ACSF3: variants seen among roughly 807,000 people sequenced by gnomAD.
The protein encoded by ACSF3 is acyl-CoA synthetase family member 3.
ACSF3 carries 78 observed loss-of-function variants against 53.2 expected under a neutral mutation model. The observed-to-expected ratio is 1.47, with a 90% CI of 1.22 to 1.77. The LOEUF (loss-of-function observed/expected upper bound fraction) is 1.77. ACSF3 is among the 40% of genes most tolerant of loss of function. The pLI is 0.00. For missense variants in ACSF3, 937 were observed against 771.1 expected (o/e 1.22, Z -2.55); for synonymous variants, 414 against 333.1 (o/e 1.24, Z -2.65).
At chr16:89,144,474 C>G (rs1912502970) in intron 8 of ACSF3, among the ~76,000 whole-genome samples, 1 of 152,254 alleles carries the variant, frequency 6.6e-6, no homozygotes, top group Non-Finnish European at 1.5e-5. Flanking sequence ...CCTGTGGCCT[C>G]TGCGTGGGCC....
intron 8 of ACSF3, among the ~76,000 whole-genome samples, chr16:89,142,774 G>GACACCCACACCTGCAGAC (rs1238268188): frequency 8.9e-5 from 10 of 112,868 alleles, no homozygotes; most frequent in South Asian, 2.8e-4. Context: ...CACCTACAGA[G>GACACCCACACCTGCAGAC]ACACCCACAC....
Position 89,102,717 on chromosome 16 carries a change from G to A in ACSF3, c.780G>A (p.Val260=), listed in dbSNP as rs780017088. 4 of 1,613,284 alleles carry A rather than the reference G, an allele frequency of 2.5e-6. No homozygotes were observed. The Admixed American group carries it at 6.7e-5, about 27-fold the overall frequency. ...VVNALLCPLW[V]GATCVMMPEF... is the part of the protein sequence containing the mutation. ...ACGCGCTGCTCTGTCCTCTCTGGGTGGGAGCCACCTGTGTGATGATGCCTG... is the reference window on the plus strand; with the variant it reads ...ACGCGCTGCTCTGTCCTCTCTGGGTAGGAGCCACCTGTGTGATGATGCCTG... Residue 260 remains valine, a synonymous_variant, in exon 4 of 11, where the codon GTG becomes GTA. Transcript: ENST00000614302.
intron 6 of ACSF3, among the ~76,000 whole-genome samples, chr16:89,119,326 G>A (rs894595640): frequency 1.3e-5 from 2 of 152,204 alleles, no homozygotes; most frequent in Non-Finnish European, 2.9e-5. Flanking sequence ...AGGAAGAGGC[G>A]AAAGGCCGCC....
intron 2 of ACSF3, among the ~76,000 whole-genome samples, chr16:89,099,487 A>C (rs190982228): frequency 6.6e-6 from 1 of 152,336 alleles, no homozygotes; most frequent in African/African-American, 2.4e-5. Flanking sequence ...TGCCTGATTT[A>C]AAGCTTGGCT....
At chr16:89,153,412 C>T (rs1386493345) in intron 10 of ACSF3, 1 of 156,534 alleles carries the variant, frequency 6.4e-6, no homozygotes, top group Admixed American at 6.1e-5. Context: ...CGGCCCCGCC[C>T]GCCTGCATTG....
At chr16:89,148,224 A>G (rs1378728395) in intron 10 of ACSF3, 1 of 148,122 alleles carries the variant, frequency 6.8e-6, no homozygotes, top group Non-Finnish European at 1.5e-5. Flanking sequence ...CAGCCTCCCT[A>G]AGTAGCTGGG....
At chr16:89,144,075 C>G (rs1278485431) in intron 8 of ACSF3, among the ~76,000 whole-genome samples, 1 of 152,252 alleles carries the variant, frequency 6.6e-6, no homozygotes, top group Non-Finnish European at 1.5e-5. Flanking sequence ...CACAGTCACG[C>G]ATACCGCGCC....
intron 3 of ACSF3, 61 bp downstream of exon 3, chr16:89,101,408 G>A (rs1463556708): frequency 1.2e-5 from 19 of 1,547,802 alleles, no homozygotes; most frequent in East Asian, 9.8e-5. Context: ...GGTGGGCTCC[G>A]GGCCAGAAGC....
intron 1 of ACSF3, among the ~76,000 whole-genome samples, chr16:89,095,497 C>T (rs1243493695): frequency 2.0e-5 from 3 of 151,736 alleles, no homozygotes; most frequent in Admixed American, 6.6e-5. Context: ...GATGCTGAAA[C>T]GCATCCTGCC....
At chr16:89,107,767 A>T (rs765361064) in intron 4 of ACSF3, among the ~76,000 whole-genome samples, 6 of 152,160 alleles carry the variant, frequency 3.9e-5, no homozygotes, top group African/African-American at 1.4e-4. Flanking sequence ...GTTTCATTTC[A>T]GTGGAAACTG....
chr16:89,108,644 C>T (rs867208505), intron 4 of ACSF3, among the ~76,000 whole-genome samples: 2 of 152,204 alleles, frequency 1.3e-5, no homozygotes, highest in African/African-American at 4.8e-5. Context: ...GTGTCACACT[C>T]AGTCTTTTAT....
chr16:89,102,435 T>G (rs1975455094), intron 3 of ACSF3, 169 bp from the exon 4 acceptor site: 1 of 741,520 alleles, frequency 1.3e-6, no homozygotes, highest in Admixed American at 2.1e-5. Context: ...GCTGTGGTTT[T>G]GTCGTCATCT....
chr16:89,122,879 C>G (rs1267629157), intron 7 of ACSF3: 1 of 152,316 alleles, frequency 6.6e-6, no homozygotes, highest in East Asian at 1.9e-4. Context: ...GCCTGAGTTT[C>G]TTTAATTATT....
In ACSF3 at chr16:89,099,355, C is replaced by T. The variant is rs550383729; in HGVS notation, c.-21+592C>T. ...AGAATTCCAGTGGACGGCGGGCCCG[C>T]GCGACCCCTCCCAGGGAGCCCTCGC... On this transcript the variant is annotated intron_variant, in intron 2 of 10. Coordinates refer to ENST00000614302, the MANE Select transcript of ACSF3 (RefSeq NM_001243279.3). Among the ~76,000 whole-genome samples, 35 of 152,358 alleles carry T rather than the reference C, an allele frequency of 2.3e-4. No homozygotes were observed. The South Asian group carries it at 7.3e-3, about 32-fold the overall frequency.
chr16:89,125,275 G>A (rs975576671), intron 7 of ACSF3, among the ~76,000 whole-genome samples: 18 of 150,946 alleles, frequency 1.2e-4, no homozygotes, highest in Non-Finnish European at 1.6e-4. Context: ...ACCAGAAGGC[G>A]GAGTTTGCAC....
intron 10 of ACSF3, among the ~76,000 whole-genome samples, chr16:89,147,229 GTGAGTGAGGGA>G (rs1331670206): frequency 8.0e-5 from 8 of 99,410 alleles, no homozygotes; most frequent in African/African-American, 1.6e-4. Flanking sequence ...GGTCCACAGA[GTGAGTGAGGGA>G]GGAGGGAGGG....
chr16:89,127,123 C>G (rs1189399415), intron 7 of ACSF3, among the ~76,000 whole-genome samples: 1 of 151,502 alleles, frequency 6.6e-6, no homozygotes. Flanking sequence ...GATTTGCTAG[C>G]ATATTGCTGA....
At chr16:89,144,554 G>T (rs1912522123) in intron 8 of ACSF3, among the ~76,000 whole-genome samples, 1 of 152,240 alleles carries the variant, frequency 6.6e-6, no homozygotes, top group African/African-American at 2.4e-5. Context: ...ATGTTGTAAT[G>T]TGTCTGGTTC....
chr16:89,099,358 G>A (rs906786171), intron 2 of ACSF3, among the ~76,000 whole-genome samples: 11 of 152,226 alleles, frequency 7.2e-5, no homozygotes, highest in East Asian at 3.8e-4. Context: ...GGGCCCGCGC[G>A]ACCCCTCCCA....
Sources: allele counts gnomAD v4.1 joint callset (sites outside exome capture counted in the v4.1 genomes callset), GRCh38; gene constraint gnomAD v4.1.1; transcripts MANE v1.5; gene names NCBI Gene and HGNC (gene_info 2026-07-23, HGNC 2026-07-21).